PDGFRA: variants seen among roughly 807,000 people sequenced by gnomAD.
PDGFRA encodes platelet derived growth factor receptor alpha, also known as platelet-derived growth factor receptor alpha.
PDGFRA carries 25 observed loss-of-function variants against 121.5 expected under a neutral mutation model. The ratio of observed to expected loss-of-function variants is 0.21; its 90% CI spans 0.15 to 0.29. The LOEUF (loss-of-function observed/expected upper bound fraction) is 0.29, where lower values mean the gene tolerates loss of function less well. PDGFRA is among the 10% of genes least tolerant of loss of function. PDGFRA has a pLI of 1.00. For missense variants in PDGFRA, 1,008 were observed against 1,345.1 expected (o/e 0.75, Z 3.92); for synonymous variants, 463 against 494.8 (o/e 0.94, Z 0.85).
chr4:54,281,884 T>A, intron 16 of PDGFRA: 1 of 1,169,720 alleles, frequency 8.5e-7, no homozygotes, highest in Non-Finnish European at 1.1e-6. Flanking sequence ...TAAGATGCTA[T>A]CACATGTGAT....
chr4:54,249,808 T>A (rs1021504376), intron 1 of PDGFRA, among the ~76,000 whole-genome samples: 27 of 152,058 alleles, frequency 1.8e-4, no homozygotes, highest in East Asian at 5.8e-4. Flanking sequence ...AAAAAATTTT[T>A]AAAAAATAAA....
At chr4:54,287,899 C>G (rs1724436054) in intron 19 of PDGFRA, among the ~76,000 whole-genome samples, 1 of 152,160 alleles carries the variant, frequency 6.6e-6, no homozygotes, top group African/African-American at 2.4e-5. Context: ...AGAGTGGGCC[C>G]TCCCTCACCT....
chr4:54,286,045 G>T (rs368854035), intron 18 of PDGFRA, 82 bp downstream of exon 18: 1 of 1,417,186 alleles, frequency 7.1e-7, no homozygotes, highest in Non-Finnish European at 9.9e-7. Flanking sequence ...CTAGAGATTC[G>T]GTGCCTGTTT....
chr4:54,264,060 C>A (rs916486626), intron 4 of PDGFRA, 133 bp downstream of exon 4: 1 of 749,938 alleles, frequency 1.3e-6, no homozygotes, highest in African/African-American at 1.8e-5. Context: ...TTTAGGACCC[C>A]AGCTAATACA....
At chr4:54,286,045 G>A (rs368854035) in intron 18 of PDGFRA, 82 bp downstream of exon 18, 16 of 1,417,064 alleles carry the variant, frequency 1.1e-5, no homozygotes, top group Admixed American at 5.0e-5. Context: ...CTAGAGATTC[G>A]GTGCCTGTTT....
chr4:54,233,058 TC>T (rs1720781502), intron 1 of PDGFRA, among the ~76,000 whole-genome samples: 2 of 139,222 alleles, frequency 1.4e-5, no homozygotes, highest in South Asian at 5.0e-4. Context: ...CTTCCCGCTC[TC>T]CCCCCTCTCT....
At chr4:54,230,454 C>G (rs1720599062) in intron 1 of PDGFRA, 1 of 152,418 alleles carries the variant, frequency 6.6e-6, no homozygotes, top group Non-Finnish European at 1.5e-5. Context: ...TCCCGCGCCC[C>G]CTCCTCGGTG....
At chr4:54,240,417 C>T (rs1721238992) in intron 1 of PDGFRA, among the ~76,000 whole-genome samples, 1 of 152,162 alleles carries the variant, frequency 6.6e-6, no homozygotes, top group South Asian at 2.1e-4. Context: ...TGTGGGGACC[C>T]TTGTTAGCTG....
chr4:54,249,449 C>A lies in PDGFRA; in HGVS notation c.-12-9308C>A, dbSNP rs1309002761. ...CACATATACACCATGGAATAGTATG[C>A]AGCCATAAAAAATGATGAGTTCAGG... On this transcript the variant is annotated intron_variant, in intron 1 of 22. Transcript: ENST00000257290. Among the ~76,000 whole-genome samples, 3 of 152,236 alleles carry A rather than the reference C, an allele frequency of 2.0e-5. No individual in the cohort carries two copies. In the South Asian group the frequency reaches 6.2e-4, roughly 32 times the overall value.
At chr4:54,291,277 A>G (rs556508409) in intron 22 of PDGFRA, among the ~76,000 whole-genome samples, 6 of 152,240 alleles carry the variant, frequency 3.9e-5, no homozygotes, top group African/African-American at 1.4e-4. Context: ...CATTTCACCC[A>G]TAAATATTCC....
intron 22 of PDGFRA, among the ~76,000 whole-genome samples, chr4:54,291,278 T>G (rs1431206890): frequency 6.6e-6 from 1 of 152,242 alleles, no homozygotes; most frequent in South Asian, 2.1e-4. Flanking sequence ...ATTTCACCCA[T>G]AAATATTCCA....
chr4:54,240,888 T>A (rs979967015), intron 1 of PDGFRA, among the ~76,000 whole-genome samples: 1 of 152,232 alleles, frequency 6.6e-6, no homozygotes, highest in Admixed American at 6.5e-5. Flanking sequence ...TGGCTAGAGC[T>A]CAAAGATAAA....
intron 5 of PDGFRA, among the ~76,000 whole-genome samples, chr4:54,265,715 G>A (rs2110260573): frequency 6.6e-6 from 1 of 152,338 alleles, no homozygotes; most frequent in African/African-American, 2.4e-5. Context: ...GGTCACTGGA[G>A]ATTTACAGAG....
intron 1 of PDGFRA, among the ~76,000 whole-genome samples, chr4:54,239,203 G>A (rs530228984): frequency 5.6e-4 from 85 of 152,284 alleles, no homozygotes; most frequent in Admixed American, 1.6e-3. Flanking sequence ...GGTCTAAAAA[G>A]GGGAGGAACC....
intron 8 of PDGFRA, 74 bp downstream of exon 8, chr4:54,270,822 TC>T: frequency 3.5e-6 from 3 of 848,884 alleles, no homozygotes; most frequent in Non-Finnish European, 4.1e-6. Context: ...GGCACTTTTC[TC>T]CCCGGTCATG....
intron 1 of PDGFRA, among the ~76,000 whole-genome samples, chr4:54,232,369 T>C (rs958481281): frequency 1.3e-5 from 2 of 152,182 alleles, no homozygotes; most frequent in African/African-American, 4.8e-5. Flanking sequence ...GCATTTCCTT[T>C]TGTTTTAAAC....
intron 18 of PDGFRA, among the ~76,000 whole-genome samples, chr4:54,287,207 G>A (rs984966817): frequency 2.0e-5 from 3 of 152,122 alleles, no homozygotes; most frequent in Admixed American, 6.5e-5. Context: ...GACATAAAAG[G>A]CAATATTGAC....
Position 54,273,573 on chromosome 4 carries a change from CAAT to C in PDGFRA, c.1402_1404del (p.Asn468del). The C allele has an allele frequency of 1.2e-6, 2 of 1,614,102 alleles. No individual in the cohort carries two copies. Among genetic ancestry groups the C allele is most frequent in the Non-Finnish European group, 1.7e-6 (2 of 1,180,012 alleles). The stretch of plus-strand genomic sequence containing the variant: ...AAACTTCCTGGACTATTTTGGCCAA[CAAT>C]GTCTCAAACATCATCACGGAGATCC... On this transcript the variant is annotated inframe_deletion, in exon 10 of 23. Transcript: ENST00000257290.
Position 54,274,604 on chromosome 4 carries a change from C to T in PDGFRA, c.1632C>T (p.Val544=), listed in dbSNP as rs748519030. The change falls in exon 11 of 23, where the codon GTC becomes GTT. Residue 544 remains valine (V), a synonymous_variant. Transcript: ENST00000257290. ...TGATTGTGATCATCTCACTTATTGT[C>T]CTGGTTGTCATTTGGAAACAGGTAG... ...LLVIVIISLI[V]LVVIWKQKPR... The T allele has an allele frequency of 6.8e-6, 11 of 1,613,040 alleles. No homozygotes were observed. The African/African-American group carries it at 8.0e-5, about 12-fold the overall frequency.
Sources: allele counts gnomAD v4.1 joint callset (sites outside exome capture counted in the v4.1 genomes callset), GRCh38; gene constraint gnomAD v4.1.1; transcripts MANE v1.5; gene names NCBI Gene and HGNC (gene_info 2026-07-23, HGNC 2026-07-21).